Variants in SEMA4A observed in about 807,000 individuals in gnomAD.
SEMA4A encodes semaphorin 4A, also known as semaphorin-4A.
In SEMA4A, 52 loss-of-function variants were observed where a neutral mutation model predicts 72.5. The ratio of observed to expected loss-of-function variants is 0.72; its 90% CI spans 0.57 to 0.90. The LOEUF (loss-of-function observed/expected upper bound fraction) is 0.90, where lower values mean the gene tolerates loss of function less well. Among genes scored for constraint, SEMA4A ranks in the 40% least tolerant of loss-of-function variants. The pLI is 0.00. For synonymous variants in SEMA4A, 369 were observed against 393.1 expected, an observed-to-expected ratio of 0.94 and a Z score of 0.73; for missense variants, 926 against 959.7, an observed-to-expected ratio of 0.96 and a Z score of 0.46.
At chr1:156,160,280 G>A (rs1653457280) in intron 6 of SEMA4A, among the ~76,000 whole-genome samples, 163 bp from the exon 7 acceptor site, 1 of 152,114 alleles carries the variant, frequency 6.6e-6, no homozygotes, top group Admixed American at 6.5e-5. Flanking sequence ...GGGGTGCTTA[G>A]TGAGGAGGGG....
Position 156,163,111 on chromosome 1 carries a change from A to G in SEMA4A, c.1134+17A>G. On this transcript the variant is annotated intron_variant, in intron 10 of 14. Coordinates refer to ENST00000368285, the MANE Select transcript of SEMA4A (RefSeq NM_022367.4). ...CCAGGCAGTGTGAGTACTACCCCCC[A>G]CACTGAGCACAGTCTACACATACAT... 2 of 1,606,830 alleles carry G rather than the reference A, an allele frequency of 1.2e-6. No individual in the cohort carries two copies. Among genetic ancestry groups the G allele is most frequent in the Non-Finnish European group, 1.7e-6 (2 of 1,175,856 alleles).
chr1:156,162,390 G>C (rs1330551422), intron 9 of SEMA4A, among the ~76,000 whole-genome samples: 1 of 152,250 alleles, frequency 6.6e-6, no homozygotes, highest in Non-Finnish European at 1.5e-5. Flanking sequence ...AGGTACCAAA[G>C]GTATTTGGGG....
intron 10 of SEMA4A, among the ~76,000 whole-genome samples, chr1:156,168,514 A>C (rs1465693716): frequency 1.3e-5 from 2 of 151,226 alleles, no homozygotes; most frequent in Non-Finnish European, 2.9e-5. Flanking sequence ...ATGAGCCACC[A>C]TGCCTGGCCT....
At chr1:156,173,144 T>G (rs1013580506) in intron 11 of SEMA4A, 138 bp downstream of exon 11, 11 of 904,828 alleles carry the variant, frequency 1.2e-5, no homozygotes, top group Non-Finnish European at 1.9e-5. Flanking sequence ...CCTGGCATTC[T>G]GCTAGGTTCT....
At chr1:156,160,647 T>C in intron 7 of SEMA4A, 88 bp downstream of exon 7, 2 of 1,197,374 alleles carry the variant, frequency 1.7e-6, no homozygotes, top group Non-Finnish European at 2.5e-6. Context: ...AGGTACAATG[T>C]GTCCATTACT....
At position 156,176,506 on chromosome 1, in the gene SEMA4A, C is replaced by T. The variant is rs914697861; in HGVS notation, c.1795C>T (p.Pro599Ser). 1 of 1,614,010 alleles carries T rather than the reference C, an allele frequency of 6.2e-7. No individual in the cohort carries two copies. Among genetic ancestry groups the T allele is most frequent in the Non-Finnish European group, 8.5e-7 (1 of 1,180,036 alleles). ...TTGGAGTCATGGCCCAGCAGCAGTC[C>T]CAGAAGCCTCTTCCACTGTCTACAA... ...YYWSHGPAAVPEASSTVYNGS... is the reference protein window; with the variant it reads ...YYWSHGPAAVSEASSTVYNGS... Residue 599 changes from proline to serine, a missense_variant, in exon 15 of 15, where the codon CCA becomes TCA. By Grantham distance (74) the Pro-to-Ser change is moderately conservative. Transcript: ENST00000368285.
At chr1:156,174,122 A>T (rs1487956226) in intron 11 of SEMA4A, among the ~76,000 whole-genome samples, 2 of 152,124 alleles carry the variant, frequency 1.3e-5, no homozygotes, top group African/African-American at 2.4e-5. Context: ...AAAAAAAAAA[A>T]TAGCCATTGT....
Position 156,177,507 on chromosome 1 carries a change from C to A in SEMA4A, c.*510C>A, listed in dbSNP as rs946902747. On this transcript the variant is annotated 3_prime_UTR_variant, in exon 15 of 15. Transcript: ENST00000368285. ...GCTCCCTCCTGCTTCCCTTACCAGT[C>A]GTGCACCGCTGACTCCCAGGAAGTC... is the stretch of plus-strand genomic sequence containing the variant. 4.8e-6 allele frequency: 1 copy of A among 208,180 alleles called. No homozygotes were observed. 12.9% of individuals were successfully genotyped at this position (208,180 alleles called of 1,614,324 possible).
At chr1:156,166,861 G>C (rs1013759055) in intron 10 of SEMA4A, among the ~76,000 whole-genome samples, 1 of 151,968 alleles carries the variant, frequency 6.6e-6, no homozygotes, top group Non-Finnish European at 1.5e-5. Context: ...CCCAGGAGGT[G>C]GAGGTTGCAG....
At chr1:156,154,439 C>T (rs1652807673) in intron 1 of SEMA4A, 111 bp from the exon 2 acceptor site, 1 of 984,898 alleles carries the variant, frequency 1.0e-6, no homozygotes, top group Non-Finnish European at 1.5e-6. Context: ...CAATGCCCCA[C>T]CCCTGCCACC....
chr1:156,156,564 T>A lies in SEMA4A; in HGVS notation c.290T>A (p.Leu97Gln), dbSNP rs1653053546. The change falls in exon 3 of 15, where the codon CTA (leucine) becomes CAA (glutamine). Residue 97 changes from leucine (L) to glutamine (Q), a missense_variant. By Grantham distance (113) the Leu-to-Gln change is moderately radical. Coordinates refer to ENST00000368285, the MANE Select transcript of SEMA4A (RefSeq NM_022367.4). ...LDIQDPGVPR[L>Q]KNMIPWPASD... ...ATCCAGGATCCAGGGGTCCCCAGGC[T>A]AAAGAACATGGTGAGGAGTCCAGGG... 11 of 1,613,898 alleles carry A rather than the reference T, an allele frequency of 6.8e-6. No homozygotes were observed. Among genetic ancestry groups the A allele is most frequent in the Non-Finnish European group, 8.5e-6 (10 of 1,179,942 alleles).
At chr1:156,158,913 C>T in intron 6 of SEMA4A, 89 bp downstream of exon 6, 1 of 1,174,974 alleles carries the variant, frequency 8.5e-7, no homozygotes, top group Non-Finnish European at 1.3e-6. Context: ...TTCCAAAAGG[C>T]AGGGGAAACT....
chr1:156,174,202 C>A (rs556752141), intron 11 of SEMA4A, among the ~76,000 whole-genome samples: 107 of 152,316 alleles, frequency 7.0e-4, no homozygotes, highest in African/African-American at 2.5e-3. Flanking sequence ...GGCAGGATAA[C>A]CTTGAGGGTC....
At position 156,161,441 on chromosome 1, in the gene SEMA4A, C is replaced by T. The variant is rs1653648064; in HGVS notation, c.906C>T (p.Asn302=). Residue 302 remains asparagine, a synonymous_variant, in exon 9 of 15, where the codon AAC becomes AAT. Coordinates refer to ENST00000368285, the MANE Select transcript of SEMA4A (RefSeq NM_022367.4). ...LCTQPGQLPF[N]VIRHAVLLPA... ...CCCAGCCGGGGCAGCTGCCCTTCAA[C>T]GTCATCCGCCACGCGGTCCTGCTCC... is the stretch of plus-strand genomic sequence containing the variant. 3 of 1,613,966 alleles carry T rather than the reference C, an allele frequency of 1.9e-6. No homozygotes were observed. Among genetic ancestry groups the T allele is most frequent in the East Asian group, 2.2e-5 (1 of 44,868 alleles).
At chr1:156,151,864 A>G (rs1652565254), upstream of SEMA4A, among the ~76,000 whole-genome samples, 3 of 149,580 alleles carry the variant, frequency 2.0e-5, no homozygotes, top group Admixed American at 1.3e-4. Context: ...AAAAAAAAAA[A>G]GCCCACTCTT....
At chr1:156,152,378 G>A (rs866211720), upstream of SEMA4A, among the ~76,000 whole-genome samples, 13 of 152,256 alleles carry the variant, frequency 8.5e-5, no homozygotes, top group Middle Eastern at 0.01. Flanking sequence ...CAGCCTCCCC[G>A]TATCAGAACT....
chr1:156,158,597 C>A, intron 5 of SEMA4A, 111 bp downstream of exon 5: 1 of 1,277,524 alleles, frequency 7.8e-7, no homozygotes, highest in Non-Finnish European at 1.1e-6. Flanking sequence ...GCAGGACCCT[C>A]ATGAACTTCC....
At chr1:156,174,446 G>T (rs1655107861) in intron 11 of SEMA4A, among the ~76,000 whole-genome samples, 1 of 152,182 alleles carries the variant, frequency 6.6e-6, no homozygotes, top group Admixed American at 6.5e-5. Context: ...AGGTAAGGAG[G>T]TTGCACCTGT....
chr1:156,175,604 T>G lies in SEMA4A; in HGVS notation c.1641T>G (p.Cys547Trp). ...AGCGGGGGAACCCAGAGTGGGCATGTGCCAGTGGCCCCATGAGCAGGAGCC... is the reference window on the plus strand; with the variant it reads ...AGCGGGGGAACCCAGAGTGGGCATGGGCCAGTGGCCCCATGAGCAGGAGCC... ...DMERGNPEWA[C>W]ASGPMSRSLR... The change falls in exon 14 of 15, where the codon TGT (cysteine) becomes TGG (tryptophan). Residue 547 changes from cysteine (C) to tryptophan (W), a missense_variant. Physicochemically the swap from Cys to Trp is radical, Grantham distance 215. Coordinates refer to ENST00000368285, the MANE Select transcript of SEMA4A (RefSeq NM_022367.4). 1 of 1,613,544 alleles carries G rather than the reference T, an allele frequency of 6.2e-7. No homozygotes were observed. The highest frequency in any genetic ancestry group is 8.5e-7 in the Non-Finnish European group (1 of 1,179,806).
Sources: allele counts gnomAD v4.1 joint callset (sites outside exome capture counted in the v4.1 genomes callset), GRCh38; gene constraint gnomAD v4.1.1; transcripts MANE v1.5; gene names NCBI Gene and HGNC (gene_info 2026-07-23, HGNC 2026-07-21).